SPATA17: variants seen among roughly 807,000 people sequenced by gnomAD.
SPATA17 encodes spermatogenesis associated 17.
Under a neutral mutation model 62.2 loss-of-function variants are expected in SPATA17, and 53 were observed. That is an observed-to-expected ratio of 0.85 (90% CI 0.68 to 1.07). SPATA17 has a LOEUF of 1.07. Among genes scored for constraint, SPATA17 ranks in the 50% least tolerant of loss-of-function variants. The pLI, the probability that SPATA17 is intolerant of heterozygous loss-of-function variation, is 0.00. For synonymous variants in SPATA17, 146 were observed against 146.8 expected (o/e 0.99, Z 0.04); for missense variants, 466 against 425.5 (o/e 1.10, Z -0.84).
intron 9 of SPATA17, among the ~76,000 whole-genome samples, chr1:217,835,249 C>T (rs1675234384): frequency 1.3e-5 from 2 of 152,104 alleles, no homozygotes; most frequent in Admixed American, 6.6e-5. Context: ...TAAGTCATTG[C>T]ATTTATGTGT....
intron 3 of SPATA17, among the ~76,000 whole-genome samples, chr1:217,652,852 G>A (rs771116792): frequency 6.6e-6 from 1 of 152,164 alleles, no homozygotes; most frequent in Non-Finnish European, 1.5e-5. Context: ...TTTAACCTGT[G>A]TGGACCTTGC....
intron 9 of SPATA17, among the ~76,000 whole-genome samples, chr1:217,856,272 G>T (rs889261898): frequency 7.9e-5 from 12 of 152,166 alleles, no homozygotes; most frequent in Admixed American, 3.3e-4. Context: ...TACTTGCTAT[G>T]TGCTGGACAC....
intron 9 of SPATA17, among the ~76,000 whole-genome samples, chr1:217,818,781 A>G (rs189491375): frequency 2.5e-4 from 38 of 151,496 alleles, no homozygotes; most frequent in African/African-American, 8.2e-4. Flanking sequence ...TGTTTTGTTT[A>G]TCATCTTAAA....
intron 5 of SPATA17, among the ~76,000 whole-genome samples, chr1:217,710,061 C>G (rs1335535567): frequency 6.6e-6 from 1 of 152,116 alleles, no homozygotes; most frequent in Non-Finnish European, 1.5e-5. Context: ...GGATACCAGA[C>G]AACATTGGCC....
intron 7 of SPATA17, among the ~76,000 whole-genome samples, chr1:217,777,327 C>A (rs1673618886): frequency 6.6e-6 from 1 of 152,046 alleles, no homozygotes; most frequent in South Asian, 2.1e-4. Flanking sequence ...AATTGAAAAT[C>A]TATAGTCAGT....
At chr1:217,699,361 AG>A (rs1288060902) in intron 5 of SPATA17, among the ~76,000 whole-genome samples, 2 of 152,142 alleles carry the variant, frequency 1.3e-5, no homozygotes, top group South Asian at 2.1e-4. Flanking sequence ...TGTCTTCACC[AG>A]TATTTATTAT....
At chr1:217,736,732 T>C (rs1374561455) in intron 5 of SPATA17, among the ~76,000 whole-genome samples, 3 of 152,250 alleles carry the variant, frequency 2.0e-5, no homozygotes, top group Non-Finnish European at 4.4e-5. Flanking sequence ...TTGTGCCAAA[T>C]AGCTTCTAAG....
At position 217,847,093 on chromosome 1, in the gene SPATA17, C is replaced by G. The variant is rs187564495; in HGVS notation, c.1006-15681C>G. 1.4e-3 allele frequency among the ~76,000 whole-genome samples: 206 copies of G among 151,978 alleles called. 2 individuals carry two copies. The highest frequency in any genetic ancestry group is 4.7e-3 in the African/African-American group (197 of 41,518). ...TCCTAGATTGTGTGACTATGTCTAT[C>G]ATAGAGTTTTAAGGAGGCAACAATC... On this transcript the variant is annotated intron_variant, in intron 9 of 10. Transcript: ENST00000366933.
chr1:217,786,757 T>C (rs575820181), intron 8 of SPATA17, among the ~76,000 whole-genome samples: 3 of 102,688 alleles, frequency 2.9e-5, no homozygotes, highest in African/African-American at 1.3e-4. Context: ...CTCTTTCTTC[T>C]TCTTCTTCTT....
intron 8 of SPATA17, among the ~76,000 whole-genome samples, chr1:217,793,044 G>A (rs1674037573): frequency 6.6e-6 from 1 of 152,108 alleles, no homozygotes; most frequent in South Asian, 2.1e-4. Flanking sequence ...GTGAACATTT[G>A]AAAACACTGT....
chr1:217,859,834 A>G (rs1032145719), intron 9 of SPATA17, among the ~76,000 whole-genome samples: 4 of 152,076 alleles, frequency 2.6e-5, no homozygotes, highest in Non-Finnish European at 5.9e-5. Flanking sequence ...AATTCTGTTG[A>G]TGATTTCAAG....
At chr1:217,842,713 A>T (rs553088436) in intron 9 of SPATA17, among the ~76,000 whole-genome samples, 54 of 151,750 alleles carry the variant, frequency 3.6e-4, no homozygotes, top group Non-Finnish European at 5.7e-4. Context: ...AGAAAACTGA[A>T]TTTTCGCTTT....
intron 8 of SPATA17, among the ~76,000 whole-genome samples, chr1:217,798,528 A>C (rs1003255584): frequency 6.6e-5 from 10 of 152,202 alleles, no homozygotes; most frequent in Non-Finnish European, 1.2e-4. Context: ...AGAAGGTGGA[A>C]AATGTCAGAC....
chr1:217,681,334 G>A (rs762819934), intron 4 of SPATA17, among the ~76,000 whole-genome samples: 37 of 151,922 alleles, frequency 2.4e-4, no homozygotes, highest in Non-Finnish European at 4.4e-4. Flanking sequence ...TTCTCATATG[G>A]GGAGTCTGAC....
intron 6 of SPATA17, among the ~76,000 whole-genome samples, chr1:217,755,147 A>G (rs1230643736): frequency 6.6e-6 from 1 of 152,074 alleles, no homozygotes; most frequent in Non-Finnish European, 1.5e-5. Flanking sequence ...GAGGAATTCC[A>G]ATTTTTTATT....
chr1:217,864,352 G>A (rs1675962399), intron 10 of SPATA17, among the ~76,000 whole-genome samples: 2 of 152,044 alleles, frequency 1.3e-5, no homozygotes, highest in Admixed American at 1.3e-4. Flanking sequence ...CACATATAAG[G>A]CAGTACTATG....
chr1:217,675,056 T>C (rs1670916701), intron 4 of SPATA17, among the ~76,000 whole-genome samples: 1 of 152,172 alleles, frequency 6.6e-6, no homozygotes, highest in Admixed American at 6.5e-5. Flanking sequence ...CTTTCAGCCC[T>C]CCAGCTGTTT....
rs1033153317 is a variant in SPATA17, at chr1:217,637,276, A to G, written c.68+5830A>G. On this transcript the variant is annotated intron_variant, in intron 1 of 10. Coordinates refer to ENST00000366933, the MANE Select transcript of SPATA17 (RefSeq NM_138796.4). Reference sequence around the variant, plus strand: ...AAGGAATGTGAGTTTCAGACCATCTATATTACTTGCCAAATATAAAGAAGA... The same window carrying G: ...AAGGAATGTGAGTTTCAGACCATCTGTATTACTTGCCAAATATAAAGAAGA... Among the ~76,000 whole-genome samples the G allele has an allele frequency of 3.9e-5, 6 of 152,172 alleles. No homozygotes were observed. The South Asian group carries it at 1.2e-3, about 32-fold the overall frequency.
chr1:217,864,151 T>A (rs1390556314), intron 10 of SPATA17, among the ~76,000 whole-genome samples: 1 of 152,222 alleles, frequency 6.6e-6, no homozygotes, highest in Non-Finnish European at 1.5e-5. Flanking sequence ...CAAAGGTTTA[T>A]AAAGTATCAT....
Sources: gnomAD v4.1 joint callset for allele counts (sites outside exome capture counted in the v4.1 genomes callset) on GRCh38, gnomAD v4.1.1 for gene constraint, MANE v1.5 for transcripts, NCBI Gene and HGNC (gene_info 2026-07-23, HGNC 2026-07-21) for gene names.